RPL7L1: variants seen among roughly 807,000 people sequenced by gnomAD.
The protein encoded by RPL7L1 is ribosomal protein L7 like 1, also known as ribosomal protein uL30-like.
In RPL7L1, 20 loss-of-function variants were observed where a neutral mutation model predicts 30.3. That is an observed-to-expected ratio of 0.66 (90% CI 0.46 to 0.96). The LOEUF (loss-of-function observed/expected upper bound fraction) is 0.96, where lower values mean the gene tolerates loss of function less well. RPL7L1 is among the 40% of genes least tolerant of loss of function. RPL7L1 has a pLI of 0.00. For missense variants in RPL7L1, 271 were observed against 314.9 expected, an observed-to-expected ratio of 0.86 and a Z score of 1.05; for synonymous variants, 107 against 110.1, an observed-to-expected ratio of 0.97 and a Z score of 0.18.
chr6:42,881,087 A>G (rs1766060074), intron 2 of RPL7L1, 121 bp downstream of exon 2: 1 of 646,524 alleles, frequency 1.5e-6, no homozygotes, highest in Non-Finnish European at 2.8e-6. Flanking sequence ...GACCAGGTAT[A>G]GTTGTCTCTC....
At position 42,889,854 on chromosome 6, in the gene RPL7L1, T is replaced by C. The variant is rs1312800974; in HGVS notation, c.*3390T>C. 6.6e-6 allele frequency: 1 copy of C among 152,262 alleles called. No homozygotes were observed. Among genetic ancestry groups the C allele is most frequent in the East Asian group, 1.9e-4 (1 of 5,206 alleles). 9.4% of individuals were successfully genotyped at this position (152,262 alleles called of 1,614,324 possible). A position where few individuals can be genotyped will look rare whatever the true frequency, so the allele number is the denominator to read the frequency against. On this transcript the variant is annotated 3_prime_UTR_variant, in exon 6 of 6. Transcript: ENST00000493763. Reference sequence around the variant, plus strand: ...AAAACCTAATAAAACAAGTTTGTAATTTATAATTGTATACAAATAAAAGAT... The same window carrying C: ...AAAACCTAATAAAACAAGTTTGTAACTTATAATTGTATACAAATAAAAGAT...
chr6:42,888,491 T>C lies in RPL7L1; in HGVS notation c.*2027T>C, dbSNP rs971380869. On this transcript the variant is annotated 3_prime_UTR_variant, in exon 6 of 6. Transcript: ENST00000493763. ...CCTTATGTGAGGAAGTCCTGCTCAA[T>C]CAGGATCGGTCACGCAGGCCCTGAT... 1 of 152,160 alleles carries C rather than the reference T, an allele frequency of 6.6e-6. No individual in the cohort carries two copies. The highest frequency in any genetic ancestry group is 2.4e-5 in the African/African-American group (1 of 41,438). The allele number at this position is 152,160 out of a possible 1,614,324, so 9.4% of individuals were successfully genotyped here.
intron 2 of RPL7L1, 99 bp downstream of exon 2, chr6:42,881,065 A>C: frequency 1.4e-6 from 1 of 709,596 alleles, no homozygotes; most frequent in East Asian, 2.7e-5. Context: ...AGCTCCCCCC[A>C]ACGGTTTGAC....
intron 3 of RPL7L1, among the ~76,000 whole-genome samples, 178 bp from the exon 4 acceptor site, chr6:42,884,435 G>C (rs867512751): frequency 6.6e-6 from 1 of 152,114 alleles, no homozygotes; most frequent in Admixed American, 6.6e-5. Flanking sequence ...TCCAGGCACT[G>C]CTCCACATTA....
Position 42,888,603 on chromosome 6 carries a change from C to T in RPL7L1, c.*2139C>T, listed in dbSNP as rs1474710037. On this transcript the variant is annotated 3_prime_UTR_variant, in exon 6 of 6. Transcript: ENST00000493763. ...TCATAGTGGCAGATAGTGTTAACCC[C>T]TGCACCATCTGTAACTCAGAAATCC... 7 of 152,262 alleles carry T rather than the reference C, an allele frequency of 4.6e-5. No individual in the cohort carries two copies. Among genetic ancestry groups the T allele is most frequent in the African/African-American group, 1.7e-4 (7 of 41,448 alleles). The allele number at this position is 152,262 out of a possible 1,614,324, so 9.4% of individuals were successfully genotyped here. A position where few individuals can be genotyped will look rare whatever the true frequency, so the allele number is the denominator to read the frequency against.
rs921081968 is a variant in RPL7L1 at position 42,887,301 on chromosome 6, G to T, written c.*837G>T. ...AAGGGTCAAAGAAAAGACAGTAGCTGGCCGGTCGTGGTGGCTCATGCCTGT... is the reference window on the plus strand; with the variant it reads ...AAGGGTCAAAGAAAAGACAGTAGCTTGCCGGTCGTGGTGGCTCATGCCTGT... On this transcript the variant is annotated 3_prime_UTR_variant, in exon 6 of 6. Transcript: ENST00000493763. The T allele has an allele frequency of 6.6e-6, 1 of 152,118 alleles. No homozygotes were observed. The highest frequency in any genetic ancestry group is 1.5e-5 in the Non-Finnish European group (1 of 68,042). 9.4% of individuals were successfully genotyped at this position (152,118 alleles called of 1,614,324 possible).
intron 2 of RPL7L1, 196 bp downstream of exon 2, chr6:42,881,162 C>T (rs1330203567): frequency 4.3e-6 from 2 of 461,040 alleles, no homozygotes; most frequent in Non-Finnish European, 3.9e-6. Context: ...GCTGAAGTCC[C>T]TTATATAAAA....
Position 42,882,218 on chromosome 6 carries a change from A to G in RPL7L1, c.148-1233A>G, listed in dbSNP as rs549399565. On this transcript the variant is annotated intron_variant, in intron 2 of 5. Coordinates refer to ENST00000493763, the MANE Select transcript of RPL7L1 (RefSeq NM_001366481.3). ...GGCCTGGATTACTGATAGCTAATAC[A>G]GTGTACATAATGTATTTTAAAAATT... is the stretch of plus-strand genomic sequence containing the variant. 3 of 151,916 alleles carry G rather than the reference A, an allele frequency of 2.0e-5. No individual in the cohort carries two copies. In the South Asian group the frequency reaches 6.2e-4, roughly 32 times the overall value. 9.4% of individuals were successfully genotyped at this position (151,916 alleles called of 1,614,324 possible). A position where few individuals can be genotyped will look rare whatever the true frequency, so the allele number is the denominator to read the frequency against.
Position 42,887,094 on chromosome 6 carries a change from A to C in RPL7L1, c.*630A>C, listed in dbSNP as rs1360123767. 6.6e-6 allele frequency: 1 copy of C among 152,124 alleles called. No homozygotes were observed. The highest frequency in any genetic ancestry group is 1.9e-4 in the East Asian group (1 of 5,202). 9.4% of individuals were successfully genotyped at this position (152,124 alleles called of 1,614,324 possible). ...CAAAAAGGACTTGAAGATGTGAATC[A>C]TCTATTTTGCTGAAGAAATCTTAAC... On this transcript the variant is annotated 3_prime_UTR_variant, in exon 6 of 6. Transcript: ENST00000493763.
At chr6:42,881,391 G>A (rs1419932021) in intron 2 of RPL7L1, 1 of 153,366 alleles carries the variant, frequency 6.5e-6, no homozygotes, top group Non-Finnish European at 1.5e-5. Flanking sequence ...CGTGAACTCG[G>A]GAGGTGGAGG....
intron 4 of RPL7L1, 44 bp downstream of exon 4, chr6:42,884,794 G>C (rs775833130): frequency 2.8e-5 from 45 of 1,586,898 alleles, no homozygotes; most frequent in Non-Finnish European, 3.7e-5. Context: ...ATTTCTATTT[G>C]AGTGTGTCAG....
chr6:42,886,114 G>A (rs988571470), intron 5 of RPL7L1, 31 bp downstream of exon 5: 3 of 1,427,166 alleles, frequency 2.1e-6, no homozygotes, highest in Non-Finnish European at 3.0e-6. Flanking sequence ...ATCAGCTGGG[G>A]CAGAAAGCCA....
In RPL7L1 at chr6:42,883,533, G is replaced by A. The variant is rs774880247; in HGVS notation, c.230G>A (p.Arg77His). The A allele has an allele frequency of 3.7e-6, 6 of 1,610,250 alleles. No homozygotes were observed. Among genetic ancestry groups the A allele is most frequent in the East Asian group, 2.2e-5 (1 of 44,832 alleles). ...TGGCGGCAGAAACGTGACAAGGTGC[G>A]TCTCAGACGACTAGAAGTGAAACCT... ...DSWRQKRDKV[R>H]LRRLEVKPHA... The change falls in exon 3 of 6, where the codon CGT becomes CAT. Residue 77 changes from arginine to histidine, a missense_variant. Physicochemically the swap from Arg to His is conservative, Grantham distance 29. Coordinates refer to ENST00000493763, the MANE Select transcript of RPL7L1 (RefSeq NM_001366481.3).
At chr6:42,885,742 C>G (rs1307883903) in intron 4 of RPL7L1, 9 of 437,748 alleles carry the variant, frequency 2.1e-5, no homozygotes, top group Non-Finnish European at 3.8e-5. Flanking sequence ...AATATTTTCC[C>G]TGGTGAACAT....
chr6:42,883,541 C>A lies in RPL7L1; in HGVS notation c.238C>A (p.Arg80=). 6.2e-7 allele frequency: 1 copy of A among 1,609,694 alleles called. No individual in the cohort carries two copies. The part of the protein sequence containing the change: ...RQKRDKVRLR[R]LEVKPHALEL... The stretch of plus-strand genomic sequence containing the variant: ...GAAACGTGACAAGGTGCGTCTCAGA[C>A]GACTAGAAGTGAAACCTCATGCCTT... The change falls in exon 3 of 6, where the codon CGA becomes AGA. Residue 80 remains arginine, a synonymous_variant. Coordinates refer to ENST00000493763, the MANE Select transcript of RPL7L1 (RefSeq NM_001366481.3).
chr6:42,888,065 G>A lies in RPL7L1; in HGVS notation c.*1601G>A. Reference sequence around the variant, plus strand: ...TAAAAGCTCAGGATTTGAGAATGAGGACCCCTTCGCCAGGAAAACATGTAT... The same window carrying A: ...TAAAAGCTCAGGATTTGAGAATGAGAACCCCTTCGCCAGGAAAACATGTAT... On this transcript the variant is annotated 3_prime_UTR_variant, in exon 6 of 6. Transcript: ENST00000493763. The A allele has an allele frequency of 6.6e-6, 1 of 151,584 alleles. No homozygotes were observed. The allele number at this position is 151,584 out of a possible 1,614,324, so 9.4% of individuals were successfully genotyped here.
Position 42,879,941 on chromosome 6 carries a change from G to A in RPL7L1, c.31G>A (p.Ala11Thr). Residue 11 changes from alanine to threonine, a missense_variant, in exon 1 of 6, where the codon GCG (alanine) becomes ACG (threonine). Coordinates refer to ENST00000493763, the MANE Select transcript of RPL7L1 (RefSeq NM_001366481.3). Reference sequence around the variant, plus strand: ...CAGTAGCTGCACCACTAGAAAGATGGCGGAGCAAGAGTGAGTGTTTGGGGC... The same window carrying A: ...CAGTAGCTGCACCACTAGAAAGATGACGGAGCAAGAGTGAGTGTTTGGGGC... MISSCTTRKM[A>T]EQEQRKIPLV... 1 of 1,614,152 alleles carries A rather than the reference G, an allele frequency of 6.2e-7. No homozygotes were observed. Among genetic ancestry groups the A allele is most frequent in the Middle Eastern group, 1.7e-4 (1 of 6,058 alleles).
chr6:42,881,288 AC>A (rs1766069899), intron 2 of RPL7L1: 1 of 161,844 alleles, frequency 6.2e-6, no homozygotes, highest in African/African-American at 2.4e-5. Flanking sequence ...ACACGGTGAA[AC>A]CCCGTCTCTA....
chr6:42,888,747 T>C lies in RPL7L1; in HGVS notation c.*2283T>C, dbSNP rs1766372167. The C allele has an allele frequency of 6.6e-6, 1 of 152,242 alleles. No homozygotes were observed. Among genetic ancestry groups the C allele is most frequent in the Admixed American group, 6.5e-5 (1 of 15,284 alleles). 9.4% of individuals were successfully genotyped at this position (152,242 alleles called of 1,614,324 possible). ...CAATTTTGTTTGGCATGGATGAAAT[T>C]AGCACTGTTTGGCTCGTTAGGCCCC... On this transcript the variant is annotated 3_prime_UTR_variant, in exon 6 of 6. Transcript: ENST00000493763.
Sources: allele counts gnomAD v4.1 joint callset (sites outside exome capture counted in the v4.1 genomes callset), GRCh38; gene constraint gnomAD v4.1.1; transcripts MANE v1.5; gene names NCBI Gene and HGNC (gene_info 2026-07-23, HGNC 2026-07-21).